CMBL: variants seen among roughly 807,000 people sequenced by gnomAD.
The protein encoded by CMBL is carboxymethylenebutenolidase homolog.
In CMBL, 17 loss-of-function variants were observed where a neutral mutation model predicts 28.7. The observed-to-expected ratio is 0.59, with a 90% CI of 0.41 to 0.89. The LOEUF is 0.89. Among genes scored for constraint, CMBL ranks in the 40% least tolerant of loss-of-function variants. The pLI is 0.00. For synonymous variants in CMBL, 106 were observed against 101.6 expected (o/e 1.04, Z -0.26); for missense variants, 310 against 298.5 (o/e 1.04, Z -0.28).
At chr5:10,293,566 T>G (rs577395799) in intron 1 of CMBL, among the ~76,000 whole-genome samples, 1 of 151,666 alleles carries the variant, frequency 6.6e-6, no homozygotes, top group South Asian at 2.1e-4. Context: ...AAAAAAGAGG[T>G]AAGAAACAAG....
At position 10,297,082 on chromosome 5, in the gene CMBL, C is replaced by T. The variant is rs140485709; in HGVS notation, c.-19-6301G>A. Among the ~76,000 whole-genome samples the T allele has an allele frequency of 3.3e-3, 487 of 148,810 alleles. 2 individuals carry two copies. Among genetic ancestry groups the T allele is most frequent in the African/African-American group, 0.012 (464 of 40,346 alleles). ...TGCCTATAATCCCAGCTACTTGGGA[C>T]GCTGAGGCAGGAGAACTGCTTGAAC... On this transcript the variant is annotated intron_variant, in intron 1 of 5. Coordinates refer to ENST00000296658, the MANE Select transcript of CMBL (RefSeq NM_138809.4).
At position 10,302,481 on chromosome 5, in the gene CMBL, T is replaced by TAAA. The variant is rs60080220; in HGVS notation, c.-20+5141_-20+5143dup. On this transcript the variant is annotated intron_variant, in intron 1 of 5. Coordinates refer to ENST00000296658, the MANE Select transcript of CMBL (RefSeq NM_138809.4). ...CAACATGGCAAAACCTTGTCTCTACTAAAAAAAAAAAAAAAAAATTAGCCA... is the reference window on the plus strand; with the variant it reads ...CAACATGGCAAAACCTTGTCTCTACTAAAAAAAAAAAAAAAAAAAAATTAGCCA... Among the ~76,000 whole-genome samples, 673 of 135,312 alleles carry TAAA rather than the reference T, an allele frequency of 5.0e-3. 5 individuals are homozygous for TAAA. The highest frequency in any genetic ancestry group is 0.016 in the African/African-American group (596 of 36,296). The allele number at this position is 135,312 out of a possible 152,430, so 88.8% of individuals were successfully genotyped here.
At chr5:10,307,236 C>T (rs1672977532) in intron 1 of CMBL, 1 of 152,270 alleles carries the variant, frequency 6.6e-6, no homozygotes, top group Non-Finnish European at 1.5e-5. Context: ...AACGCTACAA[C>T]CAGAATGTCT....
intron 3 of CMBL, among the ~76,000 whole-genome samples, chr5:10,286,841 A>G (rs1456633093): frequency 6.6e-6 from 1 of 152,192 alleles, no homozygotes; most frequent in Non-Finnish European, 1.5e-5. Context: ...ACCCGAGTCC[A>G]TGATCTGCTC....
chr5:10,288,568 T>A lies in CMBL; in HGVS notation c.216-39A>T, dbSNP rs372612984. The A allele has an allele frequency of 2.9e-6, 4 of 1,400,408 alleles. No individual in the cohort carries two copies. The South Asian group carries it at 4.6e-5, about 16-fold the overall frequency. The allele number at this position is 1,400,408 out of a possible 1,614,324, so 86.7% of individuals were successfully genotyped here. A position where few individuals can be genotyped will look rare whatever the true frequency, so the allele number is the denominator to read the frequency against. ...ACATGAATTGATCTTAGTTTCAGAG[T>A]TGCTTGACTCAGTATTTTGCTTGCA... On this transcript the variant is annotated intron_variant, in intron 2 of 5. Transcript: ENST00000296658.
At chr5:10,290,259 C>T (rs1022629892) in intron 2 of CMBL, 10 of 416,902 alleles carry the variant, frequency 2.4e-5, no homozygotes, top group African/African-American at 1.8e-4. Context: ...CCAGTGCCTG[C>T]GTCTGGCTGA....
chr5:10,283,643 T>C (rs1259040865), intron 4 of CMBL, among the ~76,000 whole-genome samples: 1 of 152,146 alleles, frequency 6.6e-6, no homozygotes, highest in East Asian at 1.9e-4. Context: ...CTGGGTGTTG[T>C]AGCCCCAGCT....
chr5:10,280,800 G>T (rs6895670), intron 5 of CMBL, among the ~76,000 whole-genome samples, 168 bp from the exon 6 acceptor site: 85,351 of 152,130 alleles, frequency 0.56, 26,236 homozygotes, highest in Non-Finnish European at 0.7. Flanking sequence ...TTTAGACAGG[G>T]TCTCACTCTG....
chr5:10,290,648 C>T lies in CMBL; in HGVS notation c.115G>A (p.Val39Ile), dbSNP rs369783862. Residue 39 changes from valine to isoleucine, a missense_variant, in exon 2 of 6, where the codon GTT becomes ATT. Transcript: ENST00000296658. ...ACAATCACAGCTTTGCCTGCATCAA[C>T]GGGGGATTTGGTGACATAAGCCTTG... The part of the protein sequence containing the change: ...HIKAYVTKSP[V>I]DAGKAVIVIQ... 138 of 1,614,060 alleles carry T rather than the reference C, an allele frequency of 8.5e-5. No individual in the cohort carries two copies. Among genetic ancestry groups the T allele is most frequent in the Admixed American group, 3.7e-4 (22 of 60,000 alleles).
At chr5:10,290,846 T>C in intron 1 of CMBL, 65 bp from the exon 2 acceptor site, 1 of 1,220,992 alleles carries the variant, frequency 8.2e-7, no homozygotes. Flanking sequence ...AAATGGTAAG[T>C]AAACCTCAAA....
Position 10,277,867 on chromosome 5 carries a change from T to C in CMBL, c.*2586A>G, listed in dbSNP as rs905814333. Among the ~76,000 whole-genome samples, 2 of 152,360 alleles carry C rather than the reference T, an allele frequency of 1.3e-5. No homozygotes were observed. Among genetic ancestry groups the C allele is most frequent in the African/African-American group, 4.8e-5 (2 of 41,592 alleles). On this transcript the variant is annotated 3_prime_UTR_variant, in exon 6 of 6. Coordinates refer to ENST00000296658, the MANE Select transcript of CMBL (RefSeq NM_138809.4). Reference sequence around the variant, plus strand: ...CACCATGAAGGATACAGCCACACCCTTGGTTCATTCTCGCACGAATTTCAG... The same window carrying C: ...CACCATGAAGGATACAGCCACACCCCTGGTTCATTCTCGCACGAATTTCAG...
chr5:10,286,821 G>A (rs933866335), intron 3 of CMBL, among the ~76,000 whole-genome samples: 2 of 152,170 alleles, frequency 1.3e-5, no homozygotes, highest in Non-Finnish European at 2.9e-5. Context: ...CCCACAGCAC[G>A]GTTCGTAAGA....
intron 2 of CMBL, among the ~76,000 whole-genome samples, chr5:10,290,093 C>T (rs939541307): frequency 6.6e-6 from 1 of 152,216 alleles, no homozygotes; most frequent in Non-Finnish European, 1.5e-5. Flanking sequence ...GAACCCCAGT[C>T]TAATTCAGAG....
At chr5:10,288,631 A>G in intron 2 of CMBL, 102 bp from the exon 3 acceptor site, 1 of 904,842 alleles carries the variant, frequency 1.1e-6, no homozygotes, top group Middle Eastern at 2.2e-4. Context: ...ATTCTGGCTC[A>G]GAGAAAAGGA....
chr5:10,290,580 A>C lies in CMBL; in HGVS notation c.183T>G (p.Tyr61Ter), dbSNP rs1746692342. Residue 61 changes from tyrosine (Y) to a stop codon, truncating the protein, a stop_gained, in exon 2 of 6, where the codon TAT becomes TAG. Transcript: ENST00000296658. LOFTEE classifies it high-confidence loss of function. ...IFGWQLPNTR[Y>*]IADMISGNGY... ...CATTTCCTGAGATCATGTCAGCTAT[A>C]TATCTGGTATTGGGCAACTGCCAGC... 2.5e-6 allele frequency: 4 copies of C among 1,614,132 alleles called. No homozygotes were observed. Among genetic ancestry groups the C allele is most frequent in the Non-Finnish European group, 3.4e-6 (4 of 1,179,954 alleles).
chr5:10,304,162 A>AG (rs1746958280), intron 1 of CMBL, among the ~76,000 whole-genome samples: 1 of 151,388 alleles, frequency 6.6e-6, no homozygotes, highest in African/African-American at 2.4e-5. Context: ...GGAGTTCAAG[A>AG]CCTGCCTGGG....
intron 1 of CMBL, among the ~76,000 whole-genome samples, chr5:10,291,231 C>T (rs1746710051): frequency 6.6e-6 from 1 of 152,108 alleles, no homozygotes; most frequent in South Asian, 2.1e-4. Flanking sequence ...AAGAGACCCA[C>T]GCCTGCAATG....
intron 1 of CMBL, among the ~76,000 whole-genome samples, chr5:10,292,466 A>G (rs1050505295): frequency 6.6e-6 from 1 of 151,718 alleles, no homozygotes; most frequent in African/African-American, 2.4e-5. Flanking sequence ...CCCACCTCAC[A>G]CTCCCAAAGT....
intron 3 of CMBL, among the ~76,000 whole-genome samples, chr5:10,286,821 G>T (rs933866335): frequency 1.3e-5 from 2 of 152,170 alleles, no homozygotes; most frequent in East Asian, 3.9e-4. Flanking sequence ...CCCACAGCAC[G>T]GTTCGTAAGA....
Sources: gnomAD v4.1 joint callset for allele counts (sites outside exome capture counted in the v4.1 genomes callset) on GRCh38, gnomAD v4.1.1 for gene constraint, MANE v1.5 for transcripts, NCBI Gene and HGNC (gene_info 2026-07-23, HGNC 2026-07-21) for gene names.